NSD2: variants seen among roughly 807,000 people sequenced by gnomAD.
The protein encoded by NSD2 is histone-lysine N-methyltransferase NSD2.
NSD2 carries 12 observed loss-of-function variants against 139.0 expected under a neutral mutation model. That is an observed-to-expected ratio of 0.09 (90% CI 0.06 to 0.14). The LOEUF is 0.14. NSD2 is among the 10% of genes least tolerant of loss of function. The probability of loss-of-function intolerance (pLI) is 1.00; values close to 1 mark genes in which losing one functional copy is unlikely to be tolerated. For synonymous variants in NSD2, 669 were observed against 648.7 expected, an observed-to-expected ratio of 1.03 and a Z score of -0.48; for missense variants, 1,155 against 1,745.0, an observed-to-expected ratio of 0.66 and a Z score of 6.02.
chr4:1,975,322 C>G lies in NSD2; in HGVS notation c.3543C>G (p.Leu1181=). Residue 1181 remains leucine, a synonymous_variant, in exon 20 of 22, where the codon CTC becomes CTG. Transcript: ENST00000508803. ...AGTELTFNYN[L]DCLGNEKTVC... ...CGGAGCTGACTTTTAACTACAACCT[C>G]GATTGTCTGGGCAATGAAAAAACGG... 1 of 1,614,188 alleles carries G rather than the reference C, an allele frequency of 6.2e-7. No individual in the cohort carries two copies. Among genetic ancestry groups the G allele is most frequent in the Admixed American group, 1.7e-5 (1 of 60,020 alleles).
At chr4:1,891,635 G>C (rs1465779468) in intron 1 of NSD2, among the ~76,000 whole-genome samples, 3 of 152,034 alleles carry the variant, frequency 2.0e-5, no homozygotes, top group African/African-American at 4.8e-5. Flanking sequence ...GGCAGTTCAC[G>C]AGGTGAGGAG....
At chr4:1,969,716 A>AC (rs1726249739) in intron 18 of NSD2, among the ~76,000 whole-genome samples, 1 of 152,178 alleles carries the variant, frequency 6.6e-6, no homozygotes, top group South Asian at 2.1e-4. Context: ...AAACAAACAA[A>AC]AACAAAATCC....
intron 1 of NSD2, among the ~76,000 whole-genome samples, chr4:1,871,768 C>G (rs1713785101): frequency 6.9e-6 from 1 of 145,366 alleles, no homozygotes; most frequent in South Asian, 2.2e-4. Flanking sequence ...CCGCGAGGAC[C>G]GCGGAGGCCT....
chr4:1,980,153 G>A lies in NSD2; in HGVS notation c.*1244G>A. On this transcript the variant is annotated 3_prime_UTR_variant, in exon 22 of 22. Transcript: ENST00000508803. ...GCCTCGTACGTGTGTTATGGGCACTGGTCTAGGCCAGGTATGACACCCACT... is the reference window on the plus strand; with the variant it reads ...GCCTCGTACGTGTGTTATGGGCACTAGTCTAGGCCAGGTATGACACCCACT... 4.3e-6 allele frequency: 1 copy of A among 233,364 alleles called. No individual in the cohort carries two copies. Among genetic ancestry groups the A allele is most frequent in the Non-Finnish European group, 8.5e-6 (1 of 118,082 alleles). The allele number at this position is 233,364 out of a possible 1,614,324, so 14.5% of individuals were successfully genotyped here. A position where few individuals can be genotyped will look rare whatever the true frequency, so the allele number is the denominator to read the frequency against.
chr4:1,944,071 A>G, intron 9 of NSD2: 1 of 1,064,338 alleles, frequency 9.4e-7, no homozygotes, highest in Non-Finnish European at 1.1e-6. Context: ...TGGGAATGAT[A>G]GTGTATCTCA....
chr4:1,942,445 C>T lies in NSD2; in HGVS notation c.1881+2667C>T, dbSNP rs754086406. On this transcript the variant is annotated intron_variant, in intron 9 of 21. Transcript: ENST00000508803. The surrounding 1 kb of genome is among the most constrained non-coding windows in gnomAD (Gnocchi z 4.0). ...GATGCTGCTGCAGGTGGCGTATCAT[C>T]GTACACACTCAGTGACATTTCTATC... 1.0e-5 allele frequency: 16 copies of T among 1,584,678 alleles called. No individual in the cohort carries two copies. Among genetic ancestry groups the T allele is most frequent in the South Asian group, 3.5e-5 (3 of 85,514 alleles).
intron 1 of NSD2, among the ~76,000 whole-genome samples, chr4:1,872,631 A>AGG (rs1553856473): frequency 1.5e-5 from 2 of 133,392 alleles, no homozygotes; most frequent in African/African-American, 5.5e-5. Flanking sequence ...AGAGAGAGAG[A>AGG]GAGAGCGCGC....
At chr4:1,871,903 C>T (rs1713804590) in intron 1 of NSD2, among the ~76,000 whole-genome samples, 1 of 147,356 alleles carries the variant, frequency 6.8e-6, no homozygotes, top group South Asian at 2.1e-4. Flanking sequence ...ATGTTGGGCC[C>T]GGCCGGGCCC....
intron 17 of NSD2, among the ~76,000 whole-genome samples, chr4:1,960,828 A>C (rs1725291583): frequency 6.6e-6 from 1 of 152,052 alleles, no homozygotes; most frequent in Admixed American, 6.5e-5. Flanking sequence ...GTGAATACTT[A>C]ATACATTTTT....
Position 1,918,300 on chromosome 4 carries a change from G to T in NSD2, c.1087G>T (p.Ala363Ser). 1 of 1,614,036 alleles carries T rather than the reference G, an allele frequency of 6.2e-7. No individual in the cohort carries two copies. Residue 363 changes from alanine to serine, a missense_variant, in exon 5 of 22, where the codon GCT becomes TCT. Ala to Ser is a moderately conservative substitution (Grantham distance 99, BLOSUM62 1). Around this residue, in one of 8 missense-constraint regions of NSD2, gnomAD observed 420 missense variants for 469.0 expected, o/e 0.90. Coordinates refer to ENST00000508803, the MANE Select transcript of NSD2 (RefSeq NM_001042424.3). The part of the protein sequence containing the change: ...LHLNPQVAKE[A>S]GIAAESLGEM... Reference sequence around the variant, plus strand: ...TCTCAACCCTCAAGTAGCCAAGGAGGCTGGCATTGCTGCAGAGTCTTTGGG... The same window carrying T: ...TCTCAACCCTCAAGTAGCCAAGGAGTCTGGCATTGCTGCAGAGTCTTTGGG...
chr4:1,900,493 T>G, intron 1 of NSD2, 133 bp from the exon 2 acceptor site: 1 of 533,588 alleles, frequency 1.9e-6, no homozygotes, highest in East Asian at 3.2e-5. Context: ...GTGACCTGAA[T>G]TATTATAAAA....
chr4:1,968,393 G>A (rs760958552), intron 18 of NSD2, among the ~76,000 whole-genome samples: 9 of 152,352 alleles, frequency 5.9e-5, no homozygotes, highest in South Asian at 2.1e-4. Flanking sequence ...CACCGGGAGC[G>A]TGGTGACGCC....
chr4:1,941,167 TA>T (rs1278258506), intron 9 of NSD2: 2 of 1,053,920 alleles, frequency 1.9e-6, no homozygotes, highest in African/African-American at 3.3e-5. Flanking sequence ...AAGTTCAGGT[TA>T]AAATCTTAGA....
At chr4:1,910,885 T>G (rs976550276) in intron 3 of NSD2, among the ~76,000 whole-genome samples, 15 of 152,212 alleles carry the variant, frequency 9.9e-5, no homozygotes, top group Admixed American at 2.6e-4. Context: ...ATGGTCATGC[T>G]TGTCCTTTGT....
chr4:1,940,747 G>T (rs1397974069), intron 9 of NSD2: 2 of 1,060,136 alleles, frequency 1.9e-6, no homozygotes, highest in African/African-American at 1.6e-5. Flanking sequence ...GGCACTTCTG[G>T]CCAGGTCTCT....
At position 1,952,197 on chromosome 4, in the gene NSD2, A is replaced by G. The variant is rs753820897; in HGVS notation, c.2103A>G (p.Pro701=). The G allele has an allele frequency of 6.2e-7, 1 of 1,613,980 alleles. No homozygotes were observed. The highest frequency in any genetic ancestry group is 1.7e-5 in the Admixed American group (1 of 60,024). ...HLACLGLSRR[P]EGRFTCSECA... is the part of the protein sequence containing the mutation. ...CCTGCCTTGGGCTTTCCCGGAGGCC[A>G]GAAGGGAGGTTCACCTGCAGCGAGT... is the stretch of plus-strand genomic sequence containing the variant. Residue 701 remains proline (P), a synonymous_variant, in exon 11 of 22, where the codon CCA becomes CCG. Transcript: ENST00000508803.
intron 6 of NSD2, among the ~76,000 whole-genome samples, chr4:1,934,872 AAAAAAAATATATATATATATATATAT>A (rs1722153332): frequency 1.2e-5 from 1 of 84,966 alleles, no homozygotes; most frequent in Non-Finnish European, 2.2e-5. Flanking sequence ...AAAAAAAAAA[AAAAAAAATATATATATATATATATAT>A]ATATATATAT....
Position 1,957,450 on chromosome 4 carries a change from AT to A in NSD2, c.2882-466del, listed in dbSNP as rs57804419. Reference sequence around the variant, plus strand: ...ACGCACCTGCCATCATGCCTGGCTAATTTTTTTTTTTTTTTTTGTAGAGAAT... The same window carrying A: ...ACGCACCTGCCATCATGCCTGGCTAATTTTTTTTTTTTTTTTGTAGAGAAT... On this transcript the variant is annotated intron_variant, in intron 15 of 21. Transcript: ENST00000508803. Among the ~76,000 whole-genome samples the A allele has an allele frequency of 6.5e-3, 875 of 135,530 alleles. 4 individuals are homozygous for A. Among genetic ancestry groups the A allele is most frequent in the Middle Eastern group, 0.036 (10 of 274 alleles). 88.9% of individuals were successfully genotyped at this position (135,530 alleles called of 152,430 possible). A position where few individuals can be genotyped will look rare whatever the true frequency, so the allele number is the denominator to read the frequency against.
chr4:1,885,834 G>A (rs537427801), intron 1 of NSD2, among the ~76,000 whole-genome samples: 9 of 152,158 alleles, frequency 5.9e-5, no homozygotes, highest in Admixed American at 4.6e-4. Flanking sequence ...AGTTCCAGGC[G>A]CAGGAATGAT....
Sources: allele counts gnomAD v4.1 joint callset (sites outside exome capture counted in the v4.1 genomes callset), GRCh38; gene constraint gnomAD v4.1.1; regional missense constraint gnomAD v4.1.1; non-coding constraint Gnocchi (gnomAD v3.1); transcripts MANE v1.5; gene names NCBI Gene and HGNC (gene_info 2026-07-23, HGNC 2026-07-21).